Variants in TLN2 observed in about 807,000 individuals in gnomAD.
TLN2 encodes the protein talin 2, also known as talin-2.
In TLN2, 118 loss-of-function variants were observed where a neutral mutation model predicts 294.7. The ratio of observed to expected loss-of-function variants is 0.40; its 90% CI spans 0.34 to 0.47. The LOEUF (loss-of-function observed/expected upper bound fraction) is 0.47. Ranked by LOEUF, TLN2 falls within the 20% of genes least tolerant of loss-of-function variation. TLN2 has a pLI of 0.84. For synonymous variants in TLN2, 1,431 were observed against 1,304.5 expected, an observed-to-expected ratio of 1.10 and a Z score of -2.09; for missense variants, 3,083 against 3,282.2, an observed-to-expected ratio of 0.94 and a Z score of 1.48.
intron 1 of TLN2, among the ~76,000 whole-genome samples, chr15:62,442,764 G>C (rs969214401): frequency 6.6e-6 from 1 of 152,112 alleles, no homozygotes; most frequent in Non-Finnish European, 1.5e-5. Flanking sequence ...TACACATTTA[G>C]TAGCTTAAAG....
chr15:62,454,179 G>A (rs1464693547), intron 1 of TLN2, among the ~76,000 whole-genome samples: 1 of 152,212 alleles, frequency 6.6e-6, no homozygotes, highest in Non-Finnish European at 1.5e-5. Flanking sequence ...GGGATTCTGT[G>A]ATGTTTAATG....
chr15:62,624,309 T>C (rs891466463), intron 3 of TLN2, among the ~76,000 whole-genome samples: 1 of 152,144 alleles, frequency 6.6e-6, no homozygotes, highest in African/African-American at 2.4e-5. Context: ...TTCTGATGGA[T>C]TTAAAAGTTA....
At position 62,549,008 on chromosome 15, in the gene TLN2, A is replaced by C. The variant is rs150795876; in HGVS notation, c.-237-40679A>C. Among the ~76,000 whole-genome samples the C allele has an allele frequency of 2.2e-4, 34 of 152,294 alleles. No homozygotes were observed. In the East Asian group the frequency reaches 5.0e-3, roughly 23 times the overall value. On this transcript the variant is annotated intron_variant, in intron 1 of 58. Transcript: ENST00000636159. The stretch of plus-strand genomic sequence containing the variant: ...GTGTAATGGTTTGCCACTGGTCTTA[A>C]CTATATCTGCTTATGCCCAGAAAAG...
chr15:62,620,837 C>CTTTTTTTTTTTTTTTTTTTTTTTT (rs71129016), intron 3 of TLN2, among the ~76,000 whole-genome samples: 1 of 66,418 alleles, frequency 1.5e-5, no homozygotes, highest in African/African-American at 5.5e-5. Flanking sequence ...CTTTCTTTTT[C>CTTTTTTTTTTTTTTTTTTTTTTTT]TTTTTTTTTT....
chr15:62,788,209 G>A (rs1242428345), intron 45 of TLN2, among the ~76,000 whole-genome samples: 1 of 151,712 alleles, frequency 6.6e-6, no homozygotes, highest in East Asian at 2.0e-4. Flanking sequence ...TATTCAGGAG[G>A]CTGAGGCAGG....
At chr15:62,457,215 A>G (rs1279190733) in intron 1 of TLN2, among the ~76,000 whole-genome samples, 2 of 152,232 alleles carry the variant, frequency 1.3e-5, no homozygotes, top group South Asian at 4.1e-4. Flanking sequence ...CCTGGTTTAC[A>G]GGCAGCTGCC....
intron 9 of TLN2, among the ~76,000 whole-genome samples, chr15:62,666,003 A>G (rs557944715): frequency 1.2e-4 from 19 of 152,250 alleles, no homozygotes; most frequent in Admixed American, 2.0e-4. Context: ...TGACCATTCA[A>G]TAGTGTCTGT....
At chr15:62,428,213 G>C in intron 1 of TLN2, among the ~76,000 whole-genome samples, 1 of 152,212 alleles carries the variant, frequency 6.6e-6, no homozygotes, top group East Asian at 1.9e-4. Context: ...CAGGGAATTT[G>C]AGAAATTAGG....
intron 12 of TLN2, among the ~76,000 whole-genome samples, chr15:62,691,552 C>G (rs887395110): frequency 1.3e-5 from 2 of 152,056 alleles, no homozygotes; most frequent in Admixed American, 1.3e-4. Flanking sequence ...CTTTAAAATC[C>G]TTATAATTCC....
chr15:62,570,797 A>T (rs1420011419), intron 1 of TLN2, among the ~76,000 whole-genome samples: 1 of 152,226 alleles, frequency 6.6e-6, no homozygotes, highest in Non-Finnish European at 1.5e-5. Context: ...TGTCTCCTGC[A>T]TGGGAAAATT....
At chr15:62,795,527 G>C (rs138773024) in intron 46 of TLN2, among the ~76,000 whole-genome samples, 1 of 152,248 alleles carries the variant, frequency 6.6e-6, no homozygotes, top group East Asian at 1.9e-4. Flanking sequence ...TGATGGTTCG[G>C]GGGTGGATGA....
chr15:62,535,489 C>T (rs1461176743), intron 1 of TLN2, among the ~76,000 whole-genome samples: 1 of 151,810 alleles, frequency 6.6e-6, no homozygotes, highest in Non-Finnish European at 1.5e-5. Flanking sequence ...CACACACACA[C>T]ACCCCTCTCT....
intron 2 of TLN2, among the ~76,000 whole-genome samples, chr15:62,590,962 A>T (rs1347865278): frequency 6.6e-6 from 1 of 151,002 alleles, no homozygotes; most frequent in African/African-American, 2.5e-5. Context: ...GGAAAAAAAA[A>T]GTCAGGACCT....
chr15:62,408,447 C>T (rs2033561721), intron 1 of TLN2, among the ~76,000 whole-genome samples: 1 of 152,176 alleles, frequency 6.6e-6, no homozygotes, highest in South Asian at 2.1e-4. Flanking sequence ...GAGGACCACA[C>T]TTAGAGCAAG....
At chr15:62,783,587 G>T (rs2064372619) in intron 44 of TLN2, among the ~76,000 whole-genome samples, 184 bp from the exon 45 acceptor site, 1 of 152,244 alleles carries the variant, frequency 6.6e-6, no homozygotes, top group Non-Finnish European at 1.5e-5. Flanking sequence ...TGCAGCATGG[G>T]CTTGGCTTGA....
chr15:62,701,055 C>T (rs2141096917), intron 16 of TLN2, 51 bp from the exon 17 acceptor site: 1 of 1,520,152 alleles, frequency 6.6e-7, no homozygotes, highest in Non-Finnish European at 9.0e-7. Context: ...TCTCCGGTCT[C>T]CTGGGTAATT....
intron 42 of TLN2, among the ~76,000 whole-genome samples, chr15:62,775,334 G>A (rs1334180940): frequency 3.3e-5 from 5 of 152,146 alleles, no homozygotes; most frequent in African/African-American, 1.2e-4. Flanking sequence ...TTTCTGGAGA[G>A]TAGGTCCAAG....
At chr15:62,685,524 A>G (rs1216925865) in intron 11 of TLN2, among the ~76,000 whole-genome samples, 1 of 152,138 alleles carries the variant, frequency 6.6e-6, no homozygotes, top group Non-Finnish European at 1.5e-5. Context: ...AAAAGTAAGG[A>G]CTTTTTAAGG....
chr15:62,688,345 G>C (rs527816585), intron 12 of TLN2, among the ~76,000 whole-genome samples: 1 of 152,042 alleles, frequency 6.6e-6, no homozygotes, highest in Non-Finnish European at 1.5e-5. Context: ...TTTTTAGTTT[G>C]ATTCCATTAT....
Sources: allele counts gnomAD v4.1 joint callset (sites outside exome capture counted in the v4.1 genomes callset), GRCh38; gene constraint gnomAD v4.1.1; transcripts MANE v1.5; gene names NCBI Gene and HGNC (gene_info 2026-07-23, HGNC 2026-07-21).